Variants in SLC12A6 observed in about 807,000 individuals in gnomAD.
SLC12A6 encodes the protein solute carrier family 12 member 6.
Under a neutral mutation model 135.3 loss-of-function variants are expected in SLC12A6, and 66 were observed. The observed-to-expected ratio is 0.49, with a 90% CI of 0.40 to 0.60. The LOEUF (loss-of-function observed/expected upper bound fraction) is 0.60, where lower values mean the gene tolerates loss of function less well. Ranked by LOEUF, SLC12A6 falls within the 20% of genes least tolerant of loss-of-function variation. SLC12A6 has a pLI of 0.00. For missense variants in SLC12A6, 1,058 were observed against 1,452.3 expected, an observed-to-expected ratio of 0.73 and a Z score of 4.41; for synonymous variants, 513 against 508.8, an observed-to-expected ratio of 1.01 and a Z score of -0.11.
Position 34,230,019 on chromosome 15 carries a change from T to C in SLC12A6, c.*3862A>G. 1.7e-6 allele frequency: 1 copy of C among 572,232 alleles called. No individual in the cohort carries two copies. Among genetic ancestry groups the C allele is most frequent in the Non-Finnish European group, 3.1e-6 (1 of 326,206 alleles). 35.4% of individuals were successfully genotyped at this position (572,232 alleles called of 1,614,324 possible). On this transcript the variant is annotated 3_prime_UTR_variant, in exon 26 of 26. Coordinates refer to ENST00000354181, the MANE Select transcript of SLC12A6 (RefSeq NM_001365088.1). Reference sequence around the variant, plus strand: ...GCTGAAAATAATGTAGAAAACTTTATTTTTGTTTCCAGTACAGAGCAAAAC... The same window carrying C: ...GCTGAAAATAATGTAGAAAACTTTACTTTTGTTTCCAGTACAGAGCAAAAC...
At chr15:34,245,638 T>C in intron 14 of SLC12A6, 55 bp downstream of exon 14, 2 of 1,442,240 alleles carry the variant, frequency 1.4e-6, no homozygotes, top group Non-Finnish European at 2.0e-6. Flanking sequence ...AAGACCACAC[T>C]GTTTCTCATT....
chr15:34,332,233 G>A (rs944848363), intron 2 of SLC12A6, among the ~76,000 whole-genome samples: 5 of 152,102 alleles, frequency 3.3e-5, no homozygotes, highest in African/African-American at 9.7e-5. Flanking sequence ...ACAGATTAAC[G>A]GATGCTTTTT....
chr15:34,252,856 G>A (rs1892489725), intron 9 of SLC12A6, among the ~76,000 whole-genome samples: 1 of 151,888 alleles, frequency 6.6e-6, no homozygotes, highest in African/African-American at 2.4e-5. Flanking sequence ...TCTTTTTTTG[G>A]CCTAGAAAAG....
At chr15:34,300,793 C>CA (rs71763739) in intron 2 of SLC12A6, among the ~76,000 whole-genome samples, 1,953 of 98,248 alleles carry the variant, frequency 0.02, 39 homozygotes, top group Middle Eastern at 0.045. Flanking sequence ...GACTCCGTCT[C>CA]AAAAAAAAAA....
intron 2 of SLC12A6, among the ~76,000 whole-genome samples, chr15:34,305,271 ATAAT>A (rs1167738577): frequency 2.6e-5 from 4 of 152,138 alleles, no homozygotes; most frequent in Non-Finnish European, 5.9e-5. Context: ...AGCTCAGGAA[ATAAT>A]TTTATGTTGT....
At chr15:34,298,099 T>G (rs1381056644) in intron 2 of SLC12A6, among the ~76,000 whole-genome samples, 2 of 152,182 alleles carry the variant, frequency 1.3e-5, no homozygotes, top group Non-Finnish European at 2.9e-5. Context: ...AGTGACCATT[T>G]GCTCTCAAGA....
At chr15:34,299,394 G>C (rs2079867883) in intron 2 of SLC12A6, among the ~76,000 whole-genome samples, 1 of 152,158 alleles carries the variant, frequency 6.6e-6, no homozygotes, top group African/African-American at 2.4e-5. Context: ...TATTTACTAA[G>C]CATCTATAAA....
At chr15:34,300,946 C>T (rs1265393364) in intron 2 of SLC12A6, among the ~76,000 whole-genome samples, 1 of 152,094 alleles carries the variant, frequency 6.6e-6, no homozygotes, top group Non-Finnish European at 1.5e-5. Context: ...GACAGAGCTT[C>T]ATGTAACATT....
Position 34,233,684 on chromosome 15 carries a change from G to A in SLC12A6, c.*197C>T. On this transcript the variant is annotated 3_prime_UTR_variant, in exon 26 of 26. Coordinates refer to ENST00000354181, the MANE Select transcript of SLC12A6 (RefSeq NM_001365088.1). ...TTGTTCTGATGTTGAGGGAATATTT[G>A]CTTTTTCTGTAATGACTGCAGATCA... 2 of 589,586 alleles carry A rather than the reference G, an allele frequency of 3.4e-6. No homozygotes were observed. The highest frequency in any genetic ancestry group is 7.0e-4 in the Middle Eastern group (2 of 2,862). 36.5% of individuals were successfully genotyped at this position (589,586 alleles called of 1,614,324 possible). A position where few individuals can be genotyped will look rare whatever the true frequency, so the allele number is the denominator to read the frequency against.
At chr15:34,272,370 T>A (rs1894025994) in intron 3 of SLC12A6, among the ~76,000 whole-genome samples, 1 of 152,230 alleles carries the variant, frequency 6.6e-6, no homozygotes, top group Non-Finnish European at 1.5e-5. Flanking sequence ...TGCAAACTCA[T>A]GAATTTCTTT....
intron 13 of SLC12A6, among the ~76,000 whole-genome samples, chr15:34,247,465 C>T (rs1252025558): frequency 1.3e-5 from 2 of 151,670 alleles, no homozygotes; most frequent in African/African-American, 4.8e-5. Flanking sequence ...TGCAGTGAGC[C>T]GAGACTGCGC....
chr15:34,298,147 A>G (rs1324784289), intron 2 of SLC12A6, among the ~76,000 whole-genome samples: 1 of 152,062 alleles, frequency 6.6e-6, no homozygotes, highest in East Asian at 1.9e-4. Flanking sequence ...TGAAACAATA[A>G]AATTATTACA....
chr15:34,248,979 T>C (rs1316240587), intron 13 of SLC12A6, among the ~76,000 whole-genome samples: 1 of 152,128 alleles, frequency 6.6e-6, no homozygotes, highest in East Asian at 1.9e-4. Flanking sequence ...AGGGAGCTTA[T>C]GAGGGAATGG....
chr15:34,242,232 A>C lies in SLC12A6; in HGVS notation c.2043-11T>G. 6.3e-7 allele frequency: 1 copy of C among 1,587,856 alleles called. No individual in the cohort carries two copies. The highest frequency in any genetic ancestry group is 8.6e-7 in the Non-Finnish European group (1 of 1,156,772). ...ATGAAAGAAAGGGCCCTAGAAAATT[A>C]AAAACAAAAAAGTATCTTTTAAAGT... On this transcript the variant is annotated splice_polypyrimidine_tract_variant and intron_variant, in intron 16 of 25. Coordinates refer to ENST00000354181, the MANE Select transcript of SLC12A6 (RefSeq NM_001365088.1).
chr15:34,230,561 A>G lies in SLC12A6; in HGVS notation c.*3320T>C, dbSNP rs1210238268. 3 of 152,640 alleles carry G rather than the reference A, an allele frequency of 2.0e-5. No homozygotes were observed. Among genetic ancestry groups the G allele is most frequent in the Non-Finnish European group, 4.4e-5 (3 of 68,038 alleles). 9.5% of individuals were successfully genotyped at this position (152,640 alleles called of 1,614,324 possible). ...GCAGAGGGTCAGCAGGAGGATGTGT[A>G]TTTCTAATCTACCCTGGTAAAGTCA... On this transcript the variant is annotated 3_prime_UTR_variant, in exon 26 of 26. Transcript: ENST00000354181.
At chr15:34,257,593 G>C in intron 6 of SLC12A6, 49 bp downstream of exon 6, 1 of 1,516,858 alleles carries the variant, frequency 6.6e-7, no homozygotes, top group Non-Finnish European at 9.2e-7. Context: ...ATCTGCTCTT[G>C]AGAACTTGCA....
At chr15:34,259,244 G>A (rs984507421) in intron 4 of SLC12A6, among the ~76,000 whole-genome samples, 1 of 152,058 alleles carries the variant, frequency 6.6e-6, no homozygotes, top group African/African-American at 2.4e-5. Context: ...GGAGGCTGAG[G>A]CGGGAGAATC....
chr15:34,261,874 G>A (rs1455243976), intron 3 of SLC12A6, among the ~76,000 whole-genome samples: 3 of 152,164 alleles, frequency 2.0e-5, no homozygotes, highest in Non-Finnish European at 4.4e-5. Flanking sequence ...GCAAGGCTGT[G>A]GAGAAAAAGA....
At chr15:34,237,393 T>C (rs758288707) in intron 22 of SLC12A6, 26 bp downstream of exon 22, 6 of 1,604,590 alleles carry the variant, frequency 3.7e-6, no homozygotes, top group Middle Eastern at 3.3e-4. Flanking sequence ...AATGAACCTC[T>C]TGTATCTCAA....
Sources: gnomAD v4.1 joint callset for allele counts (sites outside exome capture counted in the v4.1 genomes callset) on GRCh38, gnomAD v4.1.1 for gene constraint, MANE v1.5 for transcripts, NCBI Gene and HGNC (gene_info 2026-07-23, HGNC 2026-07-21) for gene names.